The following DPP6 variants were observed in gnomAD, a reference collection of about 807,000 sequenced individuals.
DPP6 encodes dipeptidyl peptidase like 6.
A neutral mutation model predicts 122.6 loss-of-function variants in DPP6; 69 were observed. The observed-to-expected ratio is 0.56, with a 90% CI of 0.46 to 0.69. The LOEUF (loss-of-function observed/expected upper bound fraction) is 0.69. Among genes scored for constraint, DPP6 ranks in the 30% least tolerant of loss-of-function variants. The pLI is 0.00. For synonymous variants in DPP6, 418 were observed against 433.1 expected (o/e 0.97, Z 0.43); for missense variants, 928 against 1,116.9 (o/e 0.83, Z 2.41).
intron 16 of DPP6, among the ~76,000 whole-genome samples, chr7:154,840,273 A>G (rs563539829): frequency 6.6e-6 from 1 of 152,344 alleles, no homozygotes; most frequent in African/African-American, 2.4e-5. Flanking sequence ...GCAGGTGGCC[A>G]TGGCGAGGTG....
chr7:154,058,164 G>A (rs1400193240), intron 1 of DPP6: 1 of 146,722 alleles, frequency 6.8e-6, no homozygotes, highest in African/African-American at 2.5e-5. Flanking sequence ...ATCGCAGGGG[G>A]GGAGGCAATC....
At chr7:153,750,153 T>A in the DPP6 span, among the ~76,000 whole-genome samples, 2 of 152,318 alleles carry the variant, frequency 1.3e-5, no homozygotes, top group South Asian at 2.1e-4. Context: ...CTTGTTCTGT[T>A]TGAGTTATGT....
At chr7:153,967,045 T>G in intron 1 of DPP6, among the ~76,000 whole-genome samples, 1 of 148,670 alleles carries the variant, frequency 6.7e-6, no homozygotes, top group African/African-American at 2.6e-5. Flanking sequence ...CCGGTCTGAG[T>G]GACAGGGCAA....
intron 7 of DPP6, among the ~76,000 whole-genome samples, chr7:154,706,009 C>G (rs1278739219): frequency 3.3e-5 from 5 of 152,180 alleles, no homozygotes; most frequent in Non-Finnish European, 7.3e-5. Context: ...TCTACTCGGC[C>G]CCTATGCAGC....
chr7:154,524,364 T>C (rs896964602), intron 3 of DPP6, among the ~76,000 whole-genome samples: 1 of 152,204 alleles, frequency 6.6e-6, no homozygotes, highest in Non-Finnish European at 1.5e-5. Flanking sequence ...GTGTCAGTTA[T>C]CTAATGCCAC....
chr7:154,607,268 G>GA, intron 5 of DPP6, among the ~76,000 whole-genome samples: 1 of 119,598 alleles, frequency 8.4e-6, no homozygotes, highest in African/African-American at 2.7e-5. Context: ...GACATTGCAA[G>GA]AAAAAGTTGA....
At chr7:154,187,282 G>A (rs1798395533) in intron 1 of DPP6, among the ~76,000 whole-genome samples, 1 of 152,166 alleles carries the variant, frequency 6.6e-6, no homozygotes, top group Non-Finnish European at 1.5e-5. Flanking sequence ...TAGCAAGTGG[G>A]AATAAGAGCA....
chr7:154,520,757 C>A (rs1017415945), intron 3 of DPP6, among the ~76,000 whole-genome samples: 1 of 152,180 alleles, frequency 6.6e-6, no homozygotes, highest in African/African-American at 2.4e-5. Context: ...TGCATCTCCA[C>A]CAGCCAGAAT....
chr7:154,253,378 AC>A (rs1406007997), intron 1 of DPP6, among the ~76,000 whole-genome samples: 1 of 152,206 alleles, frequency 6.6e-6, no homozygotes. Context: ...AGTCTTCCCT[AC>A]CTGCAGGGGA....
chr7:154,636,391 T>C (rs1445188243), intron 5 of DPP6, among the ~76,000 whole-genome samples: 2 of 152,182 alleles, frequency 1.3e-5, no homozygotes, highest in African/African-American at 4.8e-5. Flanking sequence ...CCTTCCTTCC[T>C]TCTCCTGGGC....
chr7:154,862,738 A>T (rs1803514110), intron 17 of DPP6, among the ~76,000 whole-genome samples: 1 of 152,170 alleles, frequency 6.6e-6, no homozygotes. Flanking sequence ...CTGGCATCAA[A>T]CACCTGCCAT....
At chr7:154,456,311 C>G (rs1362468586) in intron 2 of DPP6, among the ~76,000 whole-genome samples, 1 of 152,182 alleles carries the variant, frequency 6.6e-6, no homozygotes, top group South Asian at 2.1e-4. Context: ...TCCTCAAATC[C>G]CAGATATTCT....
the DPP6 span, among the ~76,000 whole-genome samples, chr7:153,773,674 C>A: frequency 6.6e-6 from 1 of 151,050 alleles, no homozygotes; most frequent in South Asian, 2.1e-4. Flanking sequence ...TATAAATAAA[C>A]TATATCAGAA....
At chr7:154,793,973 C>A (rs1015175742) in intron 10 of DPP6, 106 bp from the exon 11 acceptor site, 155 of 1,474,224 alleles carry the variant, frequency 1.1e-4, no homozygotes, top group Non-Finnish European at 1.4e-4. Flanking sequence ...CCACTGGCTC[C>A]GGCCCCCGGC....
At chr7:153,876,211 A>G in the DPP6 span, among the ~76,000 whole-genome samples, 1 of 151,982 alleles carries the variant, frequency 6.6e-6, no homozygotes, top group Admixed American at 6.6e-5. Flanking sequence ...ATTTTACCAT[A>G]CCTCTCTGAG....
the DPP6 span, among the ~76,000 whole-genome samples, chr7:153,840,733 C>T: frequency 6.6e-6 from 1 of 152,178 alleles, no homozygotes. Flanking sequence ...TGAATATCTA[C>T]ACCCAAATAA....
chr7:154,525,504 A>G (rs1288980279), intron 3 of DPP6, among the ~76,000 whole-genome samples: 1 of 152,214 alleles, frequency 6.6e-6, no homozygotes, highest in African/African-American at 2.4e-5. Flanking sequence ...CTTGTACAGA[A>G]AATCTTAGCT....
intron 1 of DPP6, among the ~76,000 whole-genome samples, chr7:154,154,036 T>C (rs1585503592): frequency 6.6e-6 from 1 of 152,244 alleles, no homozygotes; most frequent in Non-Finnish European, 1.5e-5. Context: ...TAATTGTTCC[T>C]TCAATTCCCA....
chr7:154,029,782 C>A (rs1799135602), intron 1 of DPP6, among the ~76,000 whole-genome samples: 1 of 151,098 alleles, frequency 6.6e-6, no homozygotes, highest in Non-Finnish European at 1.5e-5. Flanking sequence ...GGAGGCAGAG[C>A]TTGCAGTGAG....
Sources: gnomAD v4.1 joint callset for allele counts (sites outside exome capture counted in the v4.1 genomes callset) on GRCh38, gnomAD v4.1.1 for gene constraint, MANE v1.5 for transcripts, NCBI Gene and HGNC (gene_info 2026-07-23, HGNC 2026-07-21) for gene names.